The following STK3 variants were observed in gnomAD, a reference collection of about 807,000 sequenced individuals.
STK3 encodes serine/threonine-protein kinase 3.
A neutral mutation model predicts 58.0 loss-of-function variants in STK3; 41 were observed. The ratio of observed to expected loss-of-function variants is 0.71; its 90% confidence interval spans 0.55 to 0.92. The LOEUF (loss-of-function observed/expected upper bound fraction) is 0.92. Ranked by LOEUF, STK3 falls within the 40% of genes least tolerant of loss-of-function variation. The pLI is 0.00. For synonymous variants in STK3, 170 were observed against 191.0 expected (o/e 0.89, Z 0.91); for missense variants, 479 against 602.7 (o/e 0.79, Z 2.15).
At chr8:98,662,902 G>C (rs903207444) in intron 6 of STK3, among the ~76,000 whole-genome samples, 1 of 151,734 alleles carries the variant, frequency 6.6e-6, no homozygotes, top group East Asian at 1.9e-4. Flanking sequence ...AGACTTAAAT[G>C]TTAGACCTAA....
intron 6 of STK3, among the ~76,000 whole-genome samples, chr8:98,699,440 G>C (rs1355772123): frequency 1.3e-5 from 2 of 152,026 alleles, no homozygotes; most frequent in African/African-American, 4.8e-5. Flanking sequence ...GAGGCACTCT[G>C]CTTTTTAGAG....
chr8:98,504,367 T>C (rs1052076503), intron 10 of STK3, among the ~76,000 whole-genome samples: 1 of 152,242 alleles, frequency 6.6e-6, no homozygotes, highest in African/African-American at 2.4e-5. Context: ...TGTCTTTTAA[T>C]TGGGGCATTT....
chr8:98,498,597 A>T (rs1174535527), intron 10 of STK3, among the ~76,000 whole-genome samples: 1 of 152,202 alleles, frequency 6.6e-6, no homozygotes, highest in Non-Finnish European at 1.5e-5. Context: ...ATGAACCTAA[A>T]TTGCTCTTGT....
intron 3 of STK3, among the ~76,000 whole-genome samples, chr8:98,845,421 G>C (rs1836164442): frequency 6.6e-6 from 1 of 152,152 alleles, no homozygotes; most frequent in Admixed American, 6.5e-5. Flanking sequence ...GTCTAATTCT[G>C]AGATCTTTTA....
intron 6 of STK3, among the ~76,000 whole-genome samples, chr8:98,694,913 G>A (rs1025121419): frequency 6.6e-6 from 1 of 152,208 alleles, no homozygotes. Context: ...CTAGATCCCT[G>A]AAGAATCGCC....
At chr8:98,535,086 C>T (rs888998773) in intron 9 of STK3, among the ~76,000 whole-genome samples, 2 of 152,022 alleles carry the variant, frequency 1.3e-5, no homozygotes, top group African/African-American at 4.8e-5. Flanking sequence ...AAAACTTTAA[C>T]ATTCAGTATT....
intron 3 of STK3, among the ~76,000 whole-genome samples, chr8:98,866,937 G>C (rs1374921243): frequency 6.6e-6 from 1 of 152,118 alleles, no homozygotes; most frequent in Non-Finnish European, 1.5e-5. Context: ...TTCAGCTGAA[G>C]GCAACTTCTG....
chr8:98,401,183 T>G (rs1817940568), downstream of STK3, among the ~76,000 whole-genome samples: 1 of 151,756 alleles, frequency 6.6e-6, no homozygotes, highest in African/African-American at 2.4e-5. Context: ...AGAGACCACA[T>G]AGAGATGGAG....
intron 3 of STK3, among the ~76,000 whole-genome samples, chr8:98,761,477 C>T (rs1830609518): frequency 6.6e-6 from 1 of 152,076 alleles, no homozygotes; most frequent in Admixed American, 6.6e-5. Flanking sequence ...TGAAGAAAAC[C>T]ATATATAGCT....
intron 6 of STK3, among the ~76,000 whole-genome samples, chr8:98,647,781 G>C (rs757561516): frequency 2.6e-5 from 4 of 152,164 alleles, no homozygotes; most frequent in African/African-American, 9.7e-5. Flanking sequence ...AGCTGGGATT[G>C]TAGGCATGAG....
chr8:98,743,328 C>T (rs1199425214), intron 4 of STK3, among the ~76,000 whole-genome samples: 1 of 150,808 alleles, frequency 6.6e-6, no homozygotes, highest in Non-Finnish European at 1.5e-5. Context: ...TACCTGACTT[C>T]AAACTATACT....
chr8:98,710,941 C>T (rs1426595154), intron 4 of STK3, among the ~76,000 whole-genome samples: 1 of 152,222 alleles, frequency 6.6e-6, no homozygotes, highest in Admixed American at 6.5e-5. Context: ...TGAGACAAAA[C>T]TTCCAGAGGA....
chr8:98,532,580 T>C (rs1162441128), intron 9 of STK3, among the ~76,000 whole-genome samples: 1 of 152,144 alleles, frequency 6.6e-6, no homozygotes, highest in African/African-American at 2.4e-5. Context: ...GCCAATAGAC[T>C]TGCTTGACAC....
intron 10 of STK3, among the ~76,000 whole-genome samples, chr8:98,464,548 A>T (rs1165199906): frequency 2.7e-5 from 4 of 149,362 alleles, no homozygotes; most frequent in African/African-American, 9.8e-5. Context: ...GTTAAAAAAA[A>T]AAAAAAAAAA....
intron 10 of STK3, among the ~76,000 whole-genome samples, chr8:98,512,571 T>C (rs1824603800): frequency 6.6e-6 from 1 of 152,164 alleles, no homozygotes; most frequent in Admixed American, 6.6e-5. Flanking sequence ...ACCAAAAAGT[T>C]AGTAAAAATA....
rs531262701 is a variant in STK3, at chr8:98,614,517, T to C, written c.685-18348A>G. 3.9e-4 allele frequency among the ~76,000 whole-genome samples: 59 copies of C among 150,958 alleles called. No individual in the cohort carries two copies. The South Asian group carries it at 0.012, about 30-fold the overall frequency. ...CTCCCAGCGAGAGCGATGCAGAAGA[T>C]GGGTGATTTCTGCATTTCCATCTGA... On this transcript the variant is annotated intron_variant, in intron 6 of 10. Transcript: ENST00000419617.
intron 4 of STK3, among the ~76,000 whole-genome samples, chr8:98,738,380 C>T (rs1025241194): frequency 1.3e-5 from 2 of 151,914 alleles, no homozygotes; most frequent in Admixed American, 6.6e-5. Flanking sequence ...GGATGAGGCA[C>T]AAGAATCACT....
At chr8:98,524,679 A>C (rs1825619247) in intron 10 of STK3, among the ~76,000 whole-genome samples, 1 of 152,206 alleles carries the variant, frequency 6.6e-6, no homozygotes, top group Non-Finnish European at 1.5e-5. Context: ...CCTTCTTGGA[A>C]GGCTACTACT....
chr8:98,536,074 T>A (rs1349773435), intron 9 of STK3, among the ~76,000 whole-genome samples: 1 of 152,160 alleles, frequency 6.6e-6, no homozygotes, highest in Non-Finnish European at 1.5e-5. Context: ...AGGAATCTAC[T>A]CTTCCAACCC....
Sources: gnomAD v4.1 joint callset for allele counts (sites outside exome capture counted in the v4.1 genomes callset) on GRCh38, gnomAD v4.1.1 for gene constraint, MANE v1.5 for transcripts, NCBI Gene and HGNC (gene_info 2026-07-23, HGNC 2026-07-21) for gene names.